The following PCDHA4 variants were observed in gnomAD, a reference collection of about 807,000 sequenced individuals.
PCDHA4 encodes the protein protocadherin alpha-4.
Under a neutral mutation model 61.4 loss-of-function variants are expected in PCDHA4, and 49 were observed. The observed-to-expected ratio is 0.80, with a 90% CI of 0.63 to 1.01. The LOEUF (loss-of-function observed/expected upper bound fraction) is 1.01, where lower values mean the gene tolerates loss of function less well. Ranked by LOEUF, PCDHA4 falls within the 50% of genes least tolerant of loss-of-function variation. PCDHA4 has a pLI of 0.00. For synonymous variants in PCDHA4, 590 were observed against 550.3 expected (o/e 1.07, Z -1.01); for missense variants, 1,254 against 1,235.8 (o/e 1.01, Z -0.22).
chr5:140,871,132 G>T, intron 1 of PCDHA4: 7 of 1,613,372 alleles, frequency 4.3e-6, no homozygotes, highest in Non-Finnish European at 5.9e-6. Context: ...GGCGCCAAAG[G>T]CCTCTTCCCG....
chr5:140,953,002 T>C (rs1019745922), intron 1 of PCDHA4, among the ~76,000 whole-genome samples: 5 of 152,142 alleles, frequency 3.3e-5, no homozygotes, highest in African/African-American at 1.2e-4. Flanking sequence ...ACTCTCTCAC[T>C]ATTATGAGAA....
chr5:140,941,241 T>TTCTTTCTTTCTTTCTTTCTTTCTC (rs1585048929), intron 1 of PCDHA4, among the ~76,000 whole-genome samples: 1 of 140,458 alleles, frequency 7.1e-6, no homozygotes, highest in East Asian at 2.0e-4. Flanking sequence ...CTTTCTTTCT[T>TTCTTTCTTTCTTTCTTTCTTTCTC]TCTTTCTTTC....
At chr5:140,970,442 A>G (rs1003756532) in intron 1 of PCDHA4, among the ~76,000 whole-genome samples, 3 of 152,182 alleles carry the variant, frequency 2.0e-5, no homozygotes, top group Non-Finnish European at 4.4e-5. Flanking sequence ...TAGTATATGC[A>G]CTAGTTTTGA....
chr5:140,926,929 G>T, intron 1 of PCDHA4: 2 of 1,575,722 alleles, frequency 1.3e-6, no homozygotes, highest in South Asian at 2.3e-5. Flanking sequence ...ATGTTTGTGG[G>T]TTTCCTGCGG....
intron 1 of PCDHA4, chr5:140,835,926 G>C: frequency 1.2e-6 from 2 of 1,612,440 alleles, no homozygotes; most frequent in South Asian, 1.1e-5. Flanking sequence ...CGCGGAGAGC[G>C]GCAAGGTGTA....
At chr5:140,884,396 C>A (rs2060144550) in intron 1 of PCDHA4, 2 of 1,614,012 alleles carry the variant, frequency 1.2e-6, no homozygotes, top group Middle Eastern at 1.6e-4. Flanking sequence ...GGTGTCCAGC[C>A]TGTTGGTGCT....
chr5:140,848,527 G>T lies in PCDHA4; in HGVS notation c.2385+38955G>T, dbSNP rs1379026024. The T allele has an allele frequency of 1.3e-6, 2 of 1,594,382 alleles. 1 individual carries two copies. Among genetic ancestry groups the T allele is most frequent in the Non-Finnish European group, 1.7e-6 (2 of 1,164,866 alleles). On this transcript the variant is annotated intron_variant, in intron 1 of 3. Transcript: ENST00000530339. ...TACTCAAGTCGAGGAGATCCAGAGG[G>T]TCAGCCTCTACTGCTCTCGCTTCTG...
At chr5:140,971,322 A>G (rs1344853773) in intron 1 of PCDHA4, among the ~76,000 whole-genome samples, 6 of 152,224 alleles carry the variant, frequency 3.9e-5, no homozygotes, top group Admixed American at 3.9e-4. Context: ...TCTAGGGAGA[A>G]AATTATTTCA....
chr5:140,873,621 T>C (rs1282269984), intron 1 of PCDHA4, among the ~76,000 whole-genome samples: 2 of 152,186 alleles, frequency 1.3e-5, no homozygotes, highest in African/African-American at 4.8e-5. Flanking sequence ...TAACAATTTG[T>C]TTAGGTCAAA....
chr5:140,819,362 C>A (rs1256246509), intron 1 of PCDHA4, among the ~76,000 whole-genome samples: 2 of 152,074 alleles, frequency 1.3e-5, no homozygotes, highest in East Asian at 3.8e-4. Flanking sequence ...ATTAAATTTT[C>A]TTGTGTTAGT....
intron 1 of PCDHA4, chr5:140,865,781 A>G (rs1213634186): frequency 3.3e-5 from 5 of 152,208 alleles, no homozygotes; most frequent in Admixed American, 1.3e-4. Flanking sequence ...TCAAATGTGT[A>G]TCTTTCAGGC....
At chr5:140,929,508 A>T in intron 1 of PCDHA4, 1 of 831,408 alleles carries the variant, frequency 1.2e-6, no homozygotes, top group Non-Finnish European at 1.7e-6. Context: ...CCTAGGCCTC[A>T]AGGGACTTAT....
intron 1 of PCDHA4, chr5:140,829,567 C>T (rs1581882153): frequency 3.1e-6 from 5 of 1,612,524 alleles, no homozygotes; most frequent in Non-Finnish European, 2.5e-6. Context: ...TGGTGTCCTA[C>T]TCGCTGGTGG....
chr5:140,823,800 G>A (rs2150129246), intron 1 of PCDHA4: 3 of 1,613,816 alleles, frequency 1.9e-6, no homozygotes, highest in South Asian at 1.1e-5. Flanking sequence ...GCCAGGCGCC[G>A]AAGGCCTCAT....
chr5:140,851,492 T>C, intron 1 of PCDHA4: 2 of 896,256 alleles, frequency 2.2e-6, no homozygotes, highest in Non-Finnish European at 2.7e-6. Context: ...ACAGCCTTCA[T>C]TTCAACTTAT....
chr5:140,840,895 A>C (rs1776928646), intron 1 of PCDHA4, among the ~76,000 whole-genome samples: 1 of 152,026 alleles, frequency 6.6e-6, no homozygotes, highest in South Asian at 2.1e-4. Context: ...TATCCATGAC[A>C]TACAGGTCAT....
At chr5:140,926,165 T>A (rs570168495) in intron 1 of PCDHA4, among the ~76,000 whole-genome samples, 31 of 151,794 alleles carry the variant, frequency 2.0e-4, no homozygotes, top group Admixed American at 1.5e-3. Flanking sequence ...TGCAGCAGGA[T>A]CCAGCGCGGA....
At chr5:140,821,996 T>G (rs2150112838) in intron 1 of PCDHA4, 3 of 1,614,014 alleles carry the variant, frequency 1.9e-6, no homozygotes, top group East Asian at 4.5e-5. Context: ...GGGGACCTTC[T>G]GGAGGTAAAT....
chr5:140,927,236 T>G, intron 1 of PCDHA4: 1 of 1,614,120 alleles, frequency 6.2e-7, no homozygotes, highest in Non-Finnish European at 8.5e-7. Context: ...ATTCACGTCC[T>G]GGACACCAAT....
Sources: gnomAD v4.1 joint callset for allele counts (sites outside exome capture counted in the v4.1 genomes callset) on GRCh38, gnomAD v4.1.1 for gene constraint, MANE v1.5 for transcripts, NCBI Gene and HGNC (gene_info 2026-07-23, HGNC 2026-07-21) for gene names.